CREB5: variants seen among roughly 807,000 people sequenced by gnomAD.
CREB5 encodes cyclic AMP-responsive element-binding protein 5.
Under a neutral mutation model 57.1 loss-of-function variants are expected in CREB5, and 19 were observed. The observed-to-expected ratio is 0.33, with a 90% confidence interval of 0.23 to 0.49. The LOEUF (loss-of-function observed/expected upper bound fraction) is 0.49. Ranked by LOEUF, CREB5 falls within the 20% of genes least tolerant of loss-of-function variation. The probability of loss-of-function intolerance (pLI) is 0.99; values close to 1 mark genes in which losing one functional copy is unlikely to be tolerated. For synonymous variants in CREB5, 238 were observed against 238.3 expected, an observed-to-expected ratio of 1.00 and a Z score of 0.01; for missense variants, 579 against 671.6, an observed-to-expected ratio of 0.86 and a Z score of 1.52.
chr7:28,304,926 G>A (rs1785157728), intron 1 of CREB5, among the ~76,000 whole-genome samples: 1 of 152,120 alleles, frequency 6.6e-6, no homozygotes, highest in South Asian at 2.1e-4. Context: ...AATTATCTCC[G>A]GGCAGGATAT....
chr7:28,746,845 GCC>G (rs1371201520), intron 7 of CREB5, among the ~76,000 whole-genome samples: 2 of 152,146 alleles, frequency 1.3e-5, no homozygotes, highest in African/African-American at 4.8e-5. Flanking sequence ...TTCCTAATGA[GCC>G]CTTTCAGTAA....
At chr7:28,504,577 A>C (rs979474136) in intron 3 of CREB5, among the ~76,000 whole-genome samples, 1 of 152,190 alleles carries the variant, frequency 6.6e-6, no homozygotes, top group Non-Finnish European at 1.5e-5. Context: ...GAAGGGAATA[A>C]ACCCATCTCA....
intron 1 of CREB5, among the ~76,000 whole-genome samples, chr7:28,377,236 G>T (rs542352348): frequency 9.2e-5 from 14 of 152,156 alleles, no homozygotes; most frequent in Non-Finnish European, 1.3e-4. Flanking sequence ...GCCACATGTG[G>T]CTGTATTGAG....
intron 1 of CREB5, among the ~76,000 whole-genome samples, chr7:28,439,857 G>A (rs1274460552): frequency 6.6e-6 from 1 of 152,148 alleles, no homozygotes; most frequent in African/African-American, 2.4e-5. Flanking sequence ...TGTGTGACCT[G>A]TAATTTTGCG....
At chr7:28,560,170 G>A (rs998823903) in intron 4 of CREB5, among the ~76,000 whole-genome samples, 4 of 152,196 alleles carry the variant, frequency 2.6e-5, no homozygotes, top group Non-Finnish European at 5.9e-5. Context: ...GTCATTGATT[G>A]ATCAATCAAC....
intron 1 of CREB5, among the ~76,000 whole-genome samples, chr7:28,485,270 C>T (rs781232672): frequency 2.7e-4 from 41 of 152,046 alleles, no homozygotes; most frequent in Non-Finnish European, 5.7e-4. Context: ...TAATTGTTAT[C>T]ATTAATGACC....
At chr7:28,637,381 TA>T (rs1798465210) in intron 5 of CREB5, among the ~76,000 whole-genome samples, 1 of 152,120 alleles carries the variant, frequency 6.6e-6, no homozygotes. Flanking sequence ...GAAGTCAACA[TA>T]AAAGTTTGCT....
At chr7:28,777,099 C>T (rs1355443905) in intron 7 of CREB5, among the ~76,000 whole-genome samples, 1 of 152,154 alleles carries the variant, frequency 6.6e-6, no homozygotes, top group East Asian at 1.9e-4. Context: ...TAACTCTGTT[C>T]AATCTTTTGA....
chr7:28,697,310 C>T (rs78452041), intron 5 of CREB5, among the ~76,000 whole-genome samples: 7,674 of 152,104 alleles, frequency 0.05, 254 homozygotes, highest in South Asian at 0.065. Flanking sequence ...GATCAGGGGA[C>T]CTGGGTTGTA....
At chr7:28,708,266 A>G (rs958781574) in intron 5 of CREB5, among the ~76,000 whole-genome samples, 1 of 152,206 alleles carries the variant, frequency 6.6e-6, no homozygotes, top group African/African-American at 2.4e-5. Flanking sequence ...TCAGGCTTTT[A>G]GCAGCCCAAG....
chr7:28,772,231 T>C (rs544088853), intron 7 of CREB5, among the ~76,000 whole-genome samples: 3 of 152,284 alleles, frequency 2.0e-5, no homozygotes, highest in African/African-American at 7.2e-5. Context: ...TTGGGACCTG[T>C]TGGCTCAGGT....
intron 5 of CREB5, among the ~76,000 whole-genome samples, chr7:28,580,429 C>CCACACACACACACACA (rs70977058): frequency 2.4e-4 from 31 of 130,966 alleles, no homozygotes; most frequent in South Asian, 5.6e-4. Context: ...TCCCCCCCCA[C>CCACACACACACACACA]CACACACACA....
chr7:28,799,205 C>T (rs1355757296), intron 7 of CREB5, among the ~76,000 whole-genome samples: 2 of 152,212 alleles, frequency 1.3e-5, no homozygotes, highest in Admixed American at 6.5e-5. Flanking sequence ...AAATATGACA[C>T]AGGCTGCTGC....
chr7:28,511,033 T>C (rs1189055603), intron 4 of CREB5, among the ~76,000 whole-genome samples: 1 of 152,018 alleles, frequency 6.6e-6, no homozygotes, highest in Non-Finnish European at 1.5e-5. Flanking sequence ...TTGTTGAATA[T>C]ACCACTGAAT....
intron 6 of CREB5, among the ~76,000 whole-genome samples, 169 bp from the exon 7 acceptor site, chr7:28,724,053 G>A (rs189616853): frequency 5.3e-5 from 8 of 152,280 alleles, no homozygotes; most frequent in Admixed American, 2.6e-4. Flanking sequence ...TTTGATGTGC[G>A]TGGGTTCAAG....
chr7:28,371,443 C>T (rs776719237), intron 1 of CREB5, among the ~76,000 whole-genome samples: 7 of 147,282 alleles, frequency 4.8e-5, no homozygotes, highest in Non-Finnish European at 1.0e-4. Context: ...GAGCCAAGAT[C>T]GCGACACTGC....
intron 1 of CREB5, among the ~76,000 whole-genome samples, chr7:28,403,110 G>A (rs994108019): frequency 5.9e-5 from 9 of 152,220 alleles, no homozygotes; most frequent in East Asian, 1.9e-4. Flanking sequence ...GAAGGGTAAA[G>A]TGTGATGGCT....
intron 1 of CREB5, among the ~76,000 whole-genome samples, chr7:28,453,160 G>A (rs779420459): frequency 5.9e-5 from 9 of 152,082 alleles, no homozygotes; most frequent in Admixed American, 3.3e-4. Context: ...TTTATTGGCC[G>A]GGCGTGGTGG....
intron 1 of CREB5, among the ~76,000 whole-genome samples, chr7:28,436,435 A>G (rs544288524): frequency 1.9e-4 from 29 of 152,260 alleles, no homozygotes; most frequent in African/African-American, 7.0e-4. Flanking sequence ...TGGGCACAGA[A>G]CGGGGCCCTC....
Sources: gnomAD v4.1 joint callset for allele counts (sites outside exome capture counted in the v4.1 genomes callset) on GRCh38, gnomAD v4.1.1 for gene constraint, MANE v1.5 for transcripts, NCBI Gene and HGNC (gene_info 2026-07-23, HGNC 2026-07-21) for gene names.